SLC25A32: variants seen among roughly 807,000 people sequenced by gnomAD.
SLC25A32 encodes solute carrier family 25 member 32, also known as Glycine auxotroph B, complementation of hamster.
A neutral mutation model predicts 39.0 loss-of-function variants in SLC25A32; 32 were observed. That is an observed-to-expected ratio of 0.82 (90% CI 0.62 to 1.10). SLC25A32 has a LOEUF of 1.10. SLC25A32 is among the 50% of genes least tolerant of loss of function. The pLI is 0.00. For missense variants in SLC25A32, 367 were observed against 395.3 expected (o/e 0.93, Z 0.61); for synonymous variants, 166 against 152.4 (o/e 1.09, Z -0.66).
rs3133812 is a variant in SLC25A32 at position 103,406,836 on chromosome 8, T to C, written c.305+798A>G. Among the ~76,000 whole-genome samples the C allele has an allele frequency of 2.8e-4, 43 of 152,334 alleles. No individual in the cohort carries two copies. In the East Asian group the frequency reaches 6.5e-3, roughly 23 times the overall value. ...CATCTCAAATATCTTGGGAATCTGGTTGAGGATAAACAAGTAATTAATGAT... is the reference window on the plus strand; with the variant it reads ...CATCTCAAATATCTTGGGAATCTGGCTGAGGATAAACAAGTAATTAATGAT... On this transcript the variant is annotated intron_variant, in intron 2 of 6. Transcript: ENST00000297578.
chr8:103,404,174 T>G (rs1369538985), intron 3 of SLC25A32, among the ~76,000 whole-genome samples: 2 of 152,240 alleles, frequency 1.3e-5, no homozygotes, highest in African/African-American at 4.8e-5. Flanking sequence ...AAATTATACT[T>G]TAAAGAAACA....
In SLC25A32 at chr8:103,407,670, C is replaced by A. The variant is rs761480741; in HGVS notation, c.269G>T (p.Trp90Leu). ...GLYQGVTPNIWGAGLSWGLYF... is the reference protein window; with the variant it reads ...GLYQGVTPNILGAGLSWGLYF... ...GAGTCCCCAGGATAAACCTGCACCC[C>A]ATATATTTGGGGTTACTCCTTGATA... is the stretch of plus-strand genomic sequence containing the variant. Residue 90 changes from tryptophan to leucine, a missense_variant, in exon 2 of 7, where the codon TGG becomes TTG. By Grantham distance (61) the Trp-to-Leu change is moderately conservative. Transcript: ENST00000297578. 2.5e-6 allele frequency: 4 copies of A among 1,605,210 alleles called. No individual in the cohort carries two copies. The East Asian group carries it at 9.0e-5, about 36-fold the overall frequency.
At chr8:103,411,243 TTAG>T (rs1391519926) in intron 1 of SLC25A32, among the ~76,000 whole-genome samples, 1 of 152,202 alleles carries the variant, frequency 6.6e-6, no homozygotes, top group Non-Finnish European at 1.5e-5. Context: ...CCCACCTTAG[TTAG>T]ATACGTTACT....
chr8:103,403,084 A>T, intron 4 of SLC25A32, 80 bp downstream of exon 4: 1 of 975,728 alleles, frequency 1.0e-6, no homozygotes, highest in Non-Finnish European at 1.5e-6. Context: ...GACTTACTAT[A>T]GGTCATTCAG....
rs1816566683 is a variant in SLC25A32 at position 103,414,996 on chromosome 8, G to T, written c.-59C>A. On this transcript the variant is annotated 5_prime_UTR_variant, in exon 1 of 7. The change creates a new upstream start codon in the 5' untranslated region. Coordinates refer to ENST00000297578, the MANE Select transcript of SLC25A32 (RefSeq NM_030780.5). ...GGCCGCGGAGGTGGGACGCGATGCA[G>T]TGGCCGCCACCGTGGCGACGGTCGC... The T allele has an allele frequency of 1.9e-6, 3 of 1,584,462 alleles. No homozygotes were observed. Among genetic ancestry groups the T allele is most frequent in the Non-Finnish European group, 2.6e-6 (3 of 1,164,908 alleles).
At position 103,407,721 on chromosome 8, in the gene SLC25A32, C is replaced by T; in HGVS notation, c.218G>A (p.Trp73Ter). ...NGILHCLTTIWKLDGLRGLYQ... is the reference protein window; with the variant it reads ...NGILHCLTTI ...AAGTCCCCGTAGTCCATCAAGTTTC[C>T]AAATGGTAGTCAAGCAATGTAAAAT... The change falls in exon 2 of 7, where the codon TGG (tryptophan) becomes TAG (stop). Residue 73 changes from tryptophan to a stop codon, truncating the protein, a stop_gained. Coordinates refer to ENST00000297578, the MANE Select transcript of SLC25A32 (RefSeq NM_030780.5). LOFTEE classifies it high-confidence loss of function. 6.2e-7 allele frequency: 1 copy of T among 1,613,146 alleles called. No homozygotes were observed. The highest frequency in any genetic ancestry group is 8.5e-7 in the Non-Finnish European group (1 of 1,179,494).
In SLC25A32 at chr8:103,401,515, C is replaced by T; in HGVS notation, c.812+1G>A. On this transcript the variant is annotated splice_donor_variant, in intron 6 of 6. Transcript: ENST00000297578. LOFTEE classifies it high-confidence loss of function. ...ATTTTTGATATAGCACGTGCTCTCA[C>T]CTCCATGTCTTTGTGATTACATCTA... 6.2e-7 allele frequency: 1 copy of T among 1,612,040 alleles called. No homozygotes were observed. The highest frequency in any genetic ancestry group is 1.1e-5 in the South Asian group (1 of 90,646).
intron 4 of SLC25A32, 48 bp downstream of exon 4, chr8:103,403,116 G>A (rs375628081): frequency 1.2e-4 from 166 of 1,383,948 alleles, no homozygotes; most frequent in Non-Finnish European, 1.5e-4. Flanking sequence ...CAGAGCCAAC[G>A]GAAATTCAAA....
chr8:103,406,474 C>T (rs537745948), intron 2 of SLC25A32, among the ~76,000 whole-genome samples: 4 of 152,198 alleles, frequency 2.6e-5, no homozygotes, highest in South Asian at 2.1e-4. Flanking sequence ...CAATACAGTG[C>T]GATGATGGTT....
At chr8:103,404,630 CA>C (rs1050472989) in intron 3 of SLC25A32, 145 bp downstream of exon 3, 22 of 543,926 alleles carry the variant, frequency 4.0e-5, no homozygotes, top group Admixed American at 1.1e-4. Context: ...AACAAACAAA[CA>C]AAAAAAACAG....
intron 1 of SLC25A32, among the ~76,000 whole-genome samples, chr8:103,412,475 A>G (rs1563720839): frequency 6.6e-6 from 1 of 152,216 alleles, no homozygotes; most frequent in East Asian, 1.9e-4. Flanking sequence ...TCCACCTAAT[A>G]CAAGAATATC....
chr8:103,408,009 G>A (rs775792511), intron 1 of SLC25A32, among the ~76,000 whole-genome samples: 14 of 147,424 alleles, frequency 9.5e-5, no homozygotes, highest in African/African-American at 3.3e-4. Context: ...TCAGAGTCCC[G>A]CTCTATTGCC....
rs1052743487 is a variant in SLC25A32 at position 103,400,308 on chromosome 8, G to A, written c.*103C>T. ...CTTCTAATGACTATAGAGCAATTTC[G>A]AATATGAGCCATGTTTCTATGCAGA... On this transcript the variant is annotated 3_prime_UTR_variant, in exon 7 of 7. Transcript: ENST00000297578. The A allele has an allele frequency of 8.8e-6, 12 of 1,363,838 alleles. No individual in the cohort carries two copies. The highest frequency in any genetic ancestry group is 8.8e-5 in the African/African-American group (6 of 68,318). The allele number at this position is 1,363,838 out of a possible 1,614,324, so 84.5% of individuals were successfully genotyped here. A position where few individuals can be genotyped will look rare whatever the true frequency, so the allele number is the denominator to read the frequency against.
Position 103,400,377 on chromosome 8 carries a change from T to G in SLC25A32, c.*34A>C, listed in dbSNP as rs778334778. 1.9e-6 allele frequency: 3 copies of G among 1,612,480 alleles called. No individual in the cohort carries two copies. The South Asian group carries it at 3.3e-5, about 18-fold the overall frequency. On this transcript the variant is annotated 3_prime_UTR_variant, in exon 7 of 7. Transcript: ENST00000297578. ...AAACACAAAAGAGCTTGTTGCTGCC[T>G]TGGGCAGATATACTGGAATTGTCCT... is the stretch of plus-strand genomic sequence containing the variant.
intron 4 of SLC25A32, among the ~76,000 whole-genome samples, 165 bp downstream of exon 4, chr8:103,402,999 G>T (rs977912078): frequency 2.6e-5 from 4 of 152,100 alleles, no homozygotes; most frequent in Non-Finnish European, 5.9e-5. Context: ...ACAGCTTAAA[G>T]TACAATTTCA....
At chr8:103,411,984 G>C (rs1816476507) in intron 1 of SLC25A32, among the ~76,000 whole-genome samples, 2 of 152,202 alleles carry the variant, frequency 1.3e-5, no homozygotes, top group Non-Finnish European at 2.9e-5. Flanking sequence ...TTCTGAGCTT[G>C]AATCCCAGTT....
chr8:103,414,958 C>A lies in SLC25A32; in HGVS notation c.-21G>T, dbSNP rs1200807236. On this transcript the variant is annotated 5_prime_UTR_variant, in exon 1 of 7. Transcript: ENST00000297578. ...GTCATAGGCTCGGGGCCCGTCGACACCACGGCGCCCAGGGCCGCGGAGGTG... is the reference window on the plus strand; with the variant it reads ...GTCATAGGCTCGGGGCCCGTCGACAACACGGCGCCCAGGGCCGCGGAGGTG... The A allele has an allele frequency of 6.3e-7, 1 of 1,590,358 alleles. No individual in the cohort carries two copies. Among genetic ancestry groups the A allele is most frequent in the Non-Finnish European group, 8.6e-7 (1 of 1,168,650 alleles).
intron 1 of SLC25A32, among the ~76,000 whole-genome samples, chr8:103,408,366 T>C (rs186794433): frequency 3.0e-3 from 450 of 152,342 alleles, no homozygotes; most frequent in African/African-American, 0.01. Context: ...ACTCAAATAA[T>C]ATTTAAGGAA....
rs1406174596 is a variant in SLC25A32, at chr8:103,402,037, C to A, written c.570G>T (p.Leu190=). ...RGLYKGFVPG[L]FGTSHGALQF... ...GAAGGGCACCATGCGATGTTCCAAACAGCCCAGGAACAAATCCCTACAAGG... is the reference window on the plus strand; with the variant it reads ...GAAGGGCACCATGCGATGTTCCAAAAAGCCCAGGAACAAATCCCTACAAGG... The change falls in exon 5 of 7, where the codon CTG becomes CTT. Residue 190 remains leucine, a synonymous_variant. Transcript: ENST00000297578. 2 of 1,611,946 alleles carry A rather than the reference C, an allele frequency of 1.2e-6. No individual in the cohort carries two copies. Among genetic ancestry groups the A allele is most frequent in the Non-Finnish European group, 1.7e-6 (2 of 1,178,948 alleles).
Sources: allele counts gnomAD v4.1 joint callset (sites outside exome capture counted in the v4.1 genomes callset), GRCh38; gene constraint gnomAD v4.1.1; transcripts MANE v1.5; gene names NCBI Gene and HGNC (gene_info 2026-07-23, HGNC 2026-07-21).